The following SCCPDH variants were observed in gnomAD, a reference collection of about 807,000 sequenced individuals.
SCCPDH encodes the protein saccharopine dehydrogenase (putative), also known as saccharopine dehydrogenase-like oxidoreductase.
A neutral mutation model predicts 51.5 loss-of-function variants in SCCPDH; 34 were observed. The observed-to-expected ratio is 0.66, with a 90% confidence interval of 0.50 to 0.88. SCCPDH has a LOEUF of 0.88. Ranked by LOEUF, SCCPDH falls within the 40% of genes least tolerant of loss-of-function variation. The pLI is 0.00. For synonymous variants in SCCPDH, 187 were observed against 191.3 expected (o/e 0.98, Z 0.19); for missense variants, 464 against 527.1 (o/e 0.88, Z 1.17).
At chr1:246,727,870 G>A (rs895325494) in intron 2 of SCCPDH, among the ~76,000 whole-genome samples, 8 of 152,248 alleles carry the variant, frequency 5.3e-5, no homozygotes, top group East Asian at 3.9e-4. Context: ...GGGATCTTAC[G>A]GGCCATGGCC....
At chr1:246,751,285 T>C (rs779264220) in intron 5 of SCCPDH, among the ~76,000 whole-genome samples, 1 of 152,200 alleles carries the variant, frequency 6.6e-6, no homozygotes, top group African/African-American at 2.4e-5. Flanking sequence ...TTATAGACTC[T>C]TTTTAACCCT....
intron 2 of SCCPDH, 100 bp downstream of exon 2, chr1:246,727,104 G>A: frequency 1.0e-6 from 1 of 981,526 alleles, no homozygotes; most frequent in Middle Eastern, 2.1e-4. Flanking sequence ...ATTGTTGGTT[G>A]AAGGCCTTAA....
intron 5 of SCCPDH, among the ~76,000 whole-genome samples, chr1:246,754,324 T>C (rs1017125045): frequency 6.6e-6 from 1 of 152,188 alleles, no homozygotes; most frequent in African/African-American, 2.4e-5. Context: ...TGGGTCTTGA[T>C]TCCTTACCCC....
chr1:246,755,335 C>T (rs1357171283), intron 5 of SCCPDH, among the ~76,000 whole-genome samples: 1 of 152,168 alleles, frequency 6.6e-6, no homozygotes, highest in Non-Finnish European at 1.5e-5. Context: ...ACTCAAAGGG[C>T]TGAGAACAGG....
chr1:246,730,129 G>A (rs546574866), intron 2 of SCCPDH, among the ~76,000 whole-genome samples: 47 of 151,990 alleles, frequency 3.1e-4, no homozygotes, highest in Admixed American at 7.9e-4. Context: ...GAATTCTCAT[G>A]ACTCACTATC....
At chr1:246,736,828 C>T (rs893634105) in intron 3 of SCCPDH, among the ~76,000 whole-genome samples, 2 of 152,126 alleles carry the variant, frequency 1.3e-5, no homozygotes, top group African/African-American at 4.8e-5. Flanking sequence ...TTACCATATG[C>T]CCAACATTGT....
In SCCPDH at chr1:246,760,092, T is replaced by C; in HGVS notation, c.933+16T>C. The C allele has an allele frequency of 6.2e-7, 1 of 1,602,742 alleles. No individual in the cohort carries two copies. Among genetic ancestry groups the C allele is most frequent in the Non-Finnish European group, 8.5e-7 (1 of 1,175,416 alleles). On this transcript the variant is annotated intron_variant, in intron 8 of 11. Coordinates refer to ENST00000366510, the MANE Select transcript of SCCPDH (RefSeq NM_016002.3). Reference sequence around the variant, plus strand: ...TCTCATAAAAGTAAGTAAGATTTTATGAAATTAGATTATTTTTATTAGAAG... The same window carrying C: ...TCTCATAAAAGTAAGTAAGATTTTACGAAATTAGATTATTTTTATTAGAAG...
At chr1:246,725,569 G>T (rs1377457676) in intron 1 of SCCPDH, among the ~76,000 whole-genome samples, 1 of 152,148 alleles carries the variant, frequency 6.6e-6, no homozygotes, top group Non-Finnish European at 1.5e-5. Context: ...TTCATACAAT[G>T]CCCTGCTCGG....
At chr1:246,757,364 AAG>A (rs1553274299) in intron 5 of SCCPDH, among the ~76,000 whole-genome samples, 1 of 151,136 alleles carries the variant, frequency 6.6e-6, no homozygotes, top group Non-Finnish European at 1.5e-5. Context: ...AAAAAAAAAA[AAG>A]GGCCAGCGCT....
intron 5 of SCCPDH, among the ~76,000 whole-genome samples, chr1:246,752,270 G>A (rs762662786): frequency 1.3e-5 from 2 of 152,146 alleles, no homozygotes; most frequent in Non-Finnish European, 2.9e-5. Context: ...TATGTGCTAG[G>A]TGTAGAGCCT....
intron 2 of SCCPDH, among the ~76,000 whole-genome samples, chr1:246,733,988 A>G (rs1282858567): frequency 1.3e-5 from 2 of 152,178 alleles, no homozygotes; most frequent in East Asian, 3.8e-4. Flanking sequence ...AGAGTAGGTG[A>G]GATTTCCTGG....
At chr1:246,762,841 C>CAAAAAAAA (rs35066232) in intron 9 of SCCPDH, among the ~76,000 whole-genome samples, 1 of 90,940 alleles carries the variant, frequency 1.1e-5, no homozygotes, top group African/African-American at 4.1e-5. Flanking sequence ...ATTCCTTCTC[C>CAAAAAAAA]AAAAAAAAAA....
intron 7 of SCCPDH, among the ~76,000 whole-genome samples, chr1:246,759,365 G>A (rs1193473707): frequency 6.6e-6 from 1 of 152,164 alleles, no homozygotes; most frequent in East Asian, 1.9e-4. Flanking sequence ...TCTTTTTAAT[G>A]TAACACAATA....
chr1:246,745,635 A>G (rs1668747610), intron 5 of SCCPDH, among the ~76,000 whole-genome samples: 1 of 152,054 alleles, frequency 6.6e-6, no homozygotes, highest in Admixed American at 6.6e-5. Context: ...AAAGACAAAG[A>G]TGGGGTGGGA....
intron 1 of SCCPDH, among the ~76,000 whole-genome samples, chr1:246,725,261 G>A (rs780122699): frequency 7.0e-5 from 8 of 114,432 alleles, no homozygotes; most frequent in Non-Finnish European, 1.4e-4. Flanking sequence ...CATTCAGGTA[G>A]CATATATTTA....
Position 246,740,268 on chromosome 1 carries a change from C to G in SCCPDH, c.481C>G (p.Leu161Val). 1 of 1,607,270 alleles carries G rather than the reference C, an allele frequency of 6.2e-7. No homozygotes were observed. Among genetic ancestry groups the G allele is most frequent in the Non-Finnish European group, 8.5e-7 (1 of 1,175,336 alleles). Residue 161 changes from leucine to valine, a missense_variant, in exon 4 of 12, where the codon CTG (leucine) becomes GTG (valine). Physicochemically the swap from Leu to Val is conservative, Grantham distance 32. Coordinates refer to ENST00000366510, the MANE Select transcript of SCCPDH (RefSeq NM_016002.3). ...SSGFDSIPAD[L>V]GVIYTRNKMN... ...CGGCTTTGACTCCATTCCAGCAGAT[C>G]TGGGAGTAATATATACCAGAAATAA... is the stretch of plus-strand genomic sequence containing the variant.
chr1:246,725,847 C>A (rs377677184), intron 1 of SCCPDH, among the ~76,000 whole-genome samples: 2 of 152,088 alleles, frequency 1.3e-5, no homozygotes, highest in East Asian at 3.8e-4. Flanking sequence ...CCTATTGAAA[C>A]CTGCATCACT....
chr1:246,760,084 A>T lies in SCCPDH; in HGVS notation c.933+8A>T. The T allele has an allele frequency of 1.2e-6, 2 of 1,605,468 alleles. No individual in the cohort carries two copies. Among genetic ancestry groups the T allele is most frequent in the East Asian group, 4.5e-5 (2 of 44,796 alleles). ...AGGCAACTTCTCATAAAAGTAAGTA[A>T]GATTTTATGAAATTAGATTATTTTT... On this transcript the variant is annotated splice_region_variant and intron_variant, in intron 8 of 11. Transcript: ENST00000366510.
intron 5 of SCCPDH, among the ~76,000 whole-genome samples, chr1:246,746,335 C>G (rs536552206): frequency 3.3e-5 from 5 of 152,152 alleles, no homozygotes; most frequent in African/African-American, 1.2e-4. Context: ...CAGAACAGGA[C>G]AGGGATTTTC....
Sources: gnomAD v4.1 joint callset for allele counts (sites outside exome capture counted in the v4.1 genomes callset) on GRCh38, gnomAD v4.1.1 for gene constraint, MANE v1.5 for transcripts, NCBI Gene and HGNC (gene_info 2026-07-23, HGNC 2026-07-21) for gene names.